Variants in DNAH6 observed in about 807,000 individuals in gnomAD.
The protein encoded by DNAH6 is axonemal beta dynein heavy chain 6.
DNAH6 carries 340 observed loss-of-function variants against 491.4 expected under a neutral mutation model. That is an observed-to-expected ratio of 0.69 (90% CI 0.63 to 0.76). DNAH6 has a LOEUF of 0.76. DNAH6 is among the 30% of genes least tolerant of loss of function. The pLI, the probability that DNAH6 is intolerant of heterozygous loss-of-function variation, is 0.00. For missense variants in DNAH6, 4,443 were observed against 4,972.2 expected, an observed-to-expected ratio of 0.89 and a Z score of 3.20; for synonymous variants, 1,603 against 1,686.1, an observed-to-expected ratio of 0.95 and a Z score of 1.21.
rs1290251099 is a variant in DNAH6 at position 84,604,282 on chromosome 2, G to GTGGGTTATA, written c.2869-55_2869-47dup. On this transcript the variant is annotated intron_variant, in intron 18 of 76. Transcript: ENST00000389394. ...CATGCACAAATTGAAACCAGAACCT[G>GTGGGTTATA]TGGGTTATATTTTTAAGATAAAAAG... 237 of 1,369,774 alleles carry GTGGGTTATA rather than the reference G, an allele frequency of 1.7e-4. No homozygotes were observed. The African/African-American group carries it at 3.1e-3, about 18-fold the overall frequency. 84.9% of individuals were successfully genotyped at this position (1,369,774 alleles called of 1,614,324 possible).
At position 84,727,657 on chromosome 2, in the gene DNAH6, T is replaced by C. The variant is rs1698764412; in HGVS notation, c.9973-12T>C. Reference sequence around the variant, plus strand: ...TAAATCAGAGACATTGATAGAGCTCTCTTTCACACAGTTGTTCAATACCAC... The same window carrying C: ...TAAATCAGAGACATTGATAGAGCTCCCTTTCACACAGTTGTTCAATACCAC... On this transcript the variant is annotated splice_polypyrimidine_tract_variant and intron_variant, in intron 60 of 76. Transcript: ENST00000389394. 1 of 1,486,064 alleles carries C rather than the reference T, an allele frequency of 6.7e-7. No homozygotes were observed. The highest frequency in any genetic ancestry group is 1.4e-5 in the African/African-American group (1 of 71,582). The allele number at this position is 1,486,064 out of a possible 1,614,324, so 92.1% of individuals were successfully genotyped here. A position where few individuals can be genotyped will look rare whatever the true frequency, so the allele number is the denominator to read the frequency against.
chr2:84,784,585 T>C (rs1676999859), intron 65 of DNAH6, 137 bp from the exon 66 acceptor site: 1 of 616,802 alleles, frequency 1.6e-6, no homozygotes, highest in African/African-American at 1.9e-5. Context: ...TACACTATAC[T>C]TGTAATAGAT....
At chr2:84,651,669 G>T (rs1221163955) in intron 33 of DNAH6, among the ~76,000 whole-genome samples, 1 of 151,984 alleles carries the variant, frequency 6.6e-6, no homozygotes, top group African/African-American at 2.4e-5. Context: ...AGACACAAGG[G>T]ACTAGTCACT....
intron 18 of DNAH6, among the ~76,000 whole-genome samples, chr2:84,596,426 C>T (rs1198357470): frequency 6.6e-6 from 1 of 151,980 alleles, no homozygotes; most frequent in East Asian, 1.9e-4. Context: ...TGGGTTCAAG[C>T]GATTCTCCTG....
intron 61 of DNAH6, among the ~76,000 whole-genome samples, chr2:84,730,353 A>G (rs1699023258): frequency 1.3e-5 from 2 of 152,224 alleles, no homozygotes; most frequent in Non-Finnish European, 2.9e-5. Flanking sequence ...TTACATGTGG[A>G]CAAGGTAAAT....
In DNAH6 at chr2:84,681,404, A is replaced by G; in HGVS notation, c.6792A>G (p.Gln2264=). Residue 2264 remains glutamine, a synonymous_variant, in exon 42 of 77, where the codon CAA becomes CAG. Transcript: ENST00000389394. The part of the protein sequence containing the change: ...FLSDFPPAVK[Q]TASSIVEASV... ...GTGACTTTCCACCAGCTGTAAAGCAAACTGCATCAAGCATTGTAGAAGCCT... is the reference window on the plus strand; with the variant it reads ...GTGACTTTCCACCAGCTGTAAAGCAGACTGCATCAAGCATTGTAGAAGCCT... 1.9e-6 allele frequency: 3 copies of G among 1,551,522 alleles called. No individual in the cohort carries two copies. Among genetic ancestry groups the G allele is most frequent in the South Asian group, 1.2e-5 (1 of 83,910 alleles).
chr2:84,643,691 GT>G, intron 33 of DNAH6, among the ~76,000 whole-genome samples: 1 of 152,240 alleles, frequency 6.6e-6, no homozygotes, highest in Admixed American at 6.5e-5. Context: ...CTGTTATAGT[GT>G]GCTGGTTTTT....
chr2:84,615,139 C>T (rs1686721387), intron 22 of DNAH6, among the ~76,000 whole-genome samples: 1 of 151,970 alleles, frequency 6.6e-6, no homozygotes, highest in African/African-American at 2.4e-5. Flanking sequence ...GGTGTTTTTC[C>T]AATATTATCT....
At chr2:84,543,726 T>G (rs1219145906) in intron 4 of DNAH6, among the ~76,000 whole-genome samples, 1 of 151,432 alleles carries the variant, frequency 6.6e-6, no homozygotes, top group African/African-American at 2.5e-5. Context: ...GAAAGAGAGA[T>G]ATTATGAACT....
Position 84,616,888 on chromosome 2 carries a change from C to A in DNAH6, c.3478C>A (p.Leu1160Ile). The change falls in exon 23 of 77, where the codon CTT becomes ATT. Residue 1160 changes from leucine (L) to isoleucine (I), a missense_variant and splice_region_variant. By Grantham distance (5) the Leu-to-Ile change is conservative. Coordinates refer to ENST00000389394, the MANE Select transcript of DNAH6 (RefSeq NM_001370.2). ...NALRAATQPG[L>I]LETFQNNNAL... ...TACTATTTTTTTTTAATGAACAGGA[C>A]TTCTGGAAACTTTTCAAAACAATAA... The A allele has an allele frequency of 6.9e-7, 1 of 1,454,498 alleles. No individual in the cohort carries two copies. The highest frequency in any genetic ancestry group is 3.0e-5 in the Admixed American group (1 of 33,072). 90.1% of individuals were successfully genotyped at this position (1,454,498 alleles called of 1,614,324 possible). A position where few individuals can be genotyped will look rare whatever the true frequency, so the allele number is the denominator to read the frequency against.
the DNAH6 span, among the ~76,000 whole-genome samples, chr2:84,494,683 A>G: frequency 6.6e-6 from 1 of 152,214 alleles, no homozygotes; most frequent in Non-Finnish European, 1.5e-5. Context: ...GAAAATTAGA[A>G]CTATCTAACA....
chr2:84,606,925 GA>G, intron 20 of DNAH6, 50 bp from the exon 21 acceptor site: 2 of 1,524,762 alleles, frequency 1.3e-6, no homozygotes, highest in Admixed American at 2.0e-5. Flanking sequence ...AAATATTACT[GA>G]AAGCACAAAT....
chr2:84,805,897 T>A, intron 71 of DNAH6, 103 bp downstream of exon 71: 1 of 1,047,556 alleles, frequency 9.5e-7, no homozygotes, highest in Non-Finnish European at 1.3e-6. Context: ...TATGTAGACT[T>A]TTTTTAACCT....
intron 72 of DNAH6, among the ~76,000 whole-genome samples, chr2:84,809,384 C>T (rs577474243): frequency 4.6e-5 from 7 of 152,064 alleles, no homozygotes; most frequent in Admixed American, 6.6e-5. Context: ...GCAAAGTCTC[C>T]GGAAGTTGCT....
chr2:84,586,993 G>T (rs1219773740), intron 15 of DNAH6, among the ~76,000 whole-genome samples: 4 of 152,050 alleles, frequency 2.6e-5, no homozygotes, highest in Non-Finnish European at 5.9e-5. Flanking sequence ...ACATGTGCAG[G>T]TTTGTTATAT....
intron 4 of DNAH6, among the ~76,000 whole-genome samples, chr2:84,543,049 C>T (rs1313918169): frequency 2.6e-5 from 4 of 152,166 alleles, no homozygotes; most frequent in Admixed American, 2.6e-4. Flanking sequence ...ATCCCACTTA[C>T]TCCAGAGGCT....
At chr2:84,815,748 T>C (rs1340543664) in intron 75 of DNAH6, 113 bp from the exon 76 acceptor site, 4 of 738,498 alleles carry the variant, frequency 5.4e-6, no homozygotes, top group Non-Finnish European at 8.8e-6. Context: ...ATAACAGCAA[T>C]GTATAGAGTG....
intron 70 of DNAH6, among the ~76,000 whole-genome samples, chr2:84,800,703 T>A (rs930121756): frequency 9.2e-5 from 14 of 151,622 alleles, no homozygotes; most frequent in Middle Eastern, 3.2e-3. Context: ...CAGAAAAAAA[T>A]AAAGAAAAGA....
At position 84,686,484 on chromosome 2, in the gene DNAH6, A is replaced by G. The variant is rs199849546; in HGVS notation, c.7064A>G (p.Asn2355Ser). ...AAACTTGGTTTTGTTCTTTAAATAG[A>G]CAAACATTTTGGAATTGCAATTGAC... The part of the protein sequence containing the change: ...YFHVILTEMA[N>S]KHFGIAIDLE... The change falls in exon 44 of 77, where the codon AAC (asparagine) becomes AGC (serine). Residue 2355 changes from asparagine to serine, a missense_variant and splice_region_variant. By Grantham distance (46) the Asn-to-Ser change is conservative (BLOSUM62 1). This residue lies in a region of DNAH6 where 2,977 missense variants were observed against 3,296.6 expected (regional missense o/e 0.90). Transcript: ENST00000389394. 2.8e-4 allele frequency: 431 copies of G among 1,516,590 alleles called. 5 individuals are homozygous for G. In the South Asian group the frequency reaches 4.9e-3, roughly 17 times the overall value. 93.9% of individuals were successfully genotyped at this position (1,516,590 alleles called of 1,614,324 possible). A position where few individuals can be genotyped will look rare whatever the true frequency, so the allele number is the denominator to read the frequency against.
Sources: allele counts gnomAD v4.1 joint callset (sites outside exome capture counted in the v4.1 genomes callset), GRCh38; gene constraint gnomAD v4.1.1; regional missense constraint gnomAD v4.1.1; transcripts MANE v1.5; gene names NCBI Gene and HGNC (gene_info 2026-07-23, HGNC 2026-07-21).